Variants in TRIO observed in about 807,000 individuals in gnomAD.
The protein encoded by TRIO is trio Rho guanine nucleotide exchange factor, also known as triple functional domain protein.
Under a neutral mutation model 351.9 loss-of-function variants are expected in TRIO, and 58 were observed. The observed-to-expected ratio is 0.16, with a 90% CI of 0.13 to 0.21. The LOEUF is 0.21. Ranked by LOEUF, TRIO falls within the 10% of genes least tolerant of loss-of-function variation. The pLI, the probability that TRIO is intolerant of heterozygous loss-of-function variation, is 1.00. For missense variants in TRIO, 3,201 were observed against 4,027.8 expected (o/e 0.79, Z 5.56); for synonymous variants, 1,758 against 1,595.7 (o/e 1.10, Z -2.42).
chr5:14,292,286 G>C (rs1261180627), intron 5 of TRIO, among the ~76,000 whole-genome samples: 1 of 152,214 alleles, frequency 6.6e-6, no homozygotes, highest in African/African-American at 2.4e-5. Flanking sequence ...TTGTCTAAGA[G>C]ACTGGAATAC....
intron 49 of TRIO, among the ~76,000 whole-genome samples, chr5:14,495,893 A>C (rs988141517): frequency 6.6e-6 from 1 of 151,970 alleles, no homozygotes; most frequent in African/African-American, 2.4e-5. Flanking sequence ...GCTTGAACCC[A>C]CAAGGTGGAG....
rs977977064 is a variant in TRIO, at chr5:14,504,274, A to T, written c.8412-119A>T. ...AGCCCCTCCGTGGAGTGGCCGGGAG[A>T]GCAGGGCCTCTGGACAGGGCTGGGC... is the stretch of plus-strand genomic sequence containing the variant. On this transcript the variant is annotated intron_variant, in intron 54 of 56. Coordinates refer to ENST00000344204, the MANE Select transcript of TRIO (RefSeq NM_007118.4). The T allele has an allele frequency of 2.7e-6, 3 of 1,102,028 alleles. No homozygotes were observed. In the African/African-American group the frequency reaches 4.7e-5, roughly 17 times the overall value. The allele number at this position is 1,102,028 out of a possible 1,614,324, so 68.3% of individuals were successfully genotyped here. A position where few individuals can be genotyped will look rare whatever the true frequency, so the allele number is the denominator to read the frequency against.
intron 27 of TRIO, among the ~76,000 whole-genome samples, chr5:14,393,217 G>A (rs1230495956): frequency 2.0e-5 from 3 of 151,794 alleles, no homozygotes; most frequent in Non-Finnish European, 4.4e-5. Flanking sequence ...CACAGGGAGG[G>A]GAACATCACA....
At chr5:14,343,372 A>C (rs1469179245) in intron 11 of TRIO, among the ~76,000 whole-genome samples, 1 of 152,190 alleles carries the variant, frequency 6.6e-6, no homozygotes, top group South Asian at 2.1e-4. Context: ...CCCATCATCA[A>C]AGGGTTCCCT....
chr5:14,166,509 C>G (rs148060360), intron 1 of TRIO, among the ~76,000 whole-genome samples: 335 of 152,262 alleles, frequency 2.2e-3, no homozygotes, highest in African/African-American at 7.7e-3. Flanking sequence ...TGTTTTGGCT[C>G]AGTTGCCCTG....
At chr5:14,266,115 G>A (rs1327754349) in intron 1 of TRIO, among the ~76,000 whole-genome samples, 1 of 151,870 alleles carries the variant, frequency 6.6e-6, no homozygotes, top group Non-Finnish European at 1.5e-5. Flanking sequence ...CAGGTAAGCA[G>A]TGGCATGATC....
intron 8 of TRIO, among the ~76,000 whole-genome samples, chr5:14,309,017 G>T (rs75263883): frequency 6.6e-6 from 1 of 150,922 alleles, no homozygotes; most frequent in Non-Finnish European, 1.5e-5. Context: ...ATCCACCCAC[G>T]CAGTCACCCA....
At chr5:14,399,215 T>C in intron 30 of TRIO, 145 bp downstream of exon 30, 1 of 782,750 alleles carries the variant, frequency 1.3e-6, no homozygotes, top group Non-Finnish European at 2.1e-6. Flanking sequence ...AGGGTTTTCA[T>C]CTTCAGTGAA....
At chr5:14,271,802 C>T (rs1181337282) in intron 2 of TRIO, among the ~76,000 whole-genome samples, 2 of 152,214 alleles carry the variant, frequency 1.3e-5, no homozygotes, top group African/African-American at 2.4e-5. Context: ...ATATATAACA[C>T]TGCTAGCTGC....
At position 14,507,216 on chromosome 5, in the gene TRIO, G is replaced by C; in HGVS notation, c.8707G>C (p.Val2903Leu). Residue 2903 changes from valine to leucine, a missense_variant, in exon 56 of 57, where the codon GTC (valine) becomes CTC (leucine). Around this residue, in one of 19 missense-constraint regions of TRIO, gnomAD observed 233 missense variants for 292.6 expected, o/e 0.80. Transcript: ENST00000344204. The stretch of plus-strand genomic sequence containing the variant: ...GCACCTGGGGGAGGTTCTGGAAGCT[G>C]TCCGGTACCTGCACAACTGCAGGAT... ...RAHLGEVLEA[V>L]RYLHNCRIAH... 1.2e-6 allele frequency: 2 copies of C among 1,611,940 alleles called. No individual in the cohort carries two copies. The highest frequency in any genetic ancestry group is 8.5e-7 in the Non-Finnish European group (1 of 1,179,874).
rs1300605466 is a variant in TRIO at position 14,291,039 on chromosome 5, C to T, written c.864C>T (p.Ser288=). 1.2e-6 allele frequency: 2 copies of T among 1,614,080 alleles called. No homozygotes were observed. Among genetic ancestry groups the T allele is most frequent in the African/African-American group, 2.7e-5 (2 of 74,928 alleles). Residue 288 remains serine, a synonymous_variant, in exon 5 of 57, where the codon AGC becomes AGT. Coordinates refer to ENST00000344204, the MANE Select transcript of TRIO (RefSeq NM_007118.4). ...EGQKLLQRIQ[S]SESFPKKNSG... ...AGAAGCTGCTTCAGAGGATACAGAG[C>T]AGTGAAAGCTTTCCCAAAAAGAACT...
intron 48 of TRIO, chr5:14,489,084 C>G (rs561451286): frequency 1.2e-5 from 9 of 765,060 alleles, no homozygotes; most frequent in Admixed American, 8.5e-5. Context: ...GTGAATAGAA[C>G]TGTTCTAATG....
chr5:14,459,187 C>T (rs939451396), intron 34 of TRIO, among the ~76,000 whole-genome samples: 3 of 152,266 alleles, frequency 2.0e-5, no homozygotes, highest in South Asian at 4.1e-4. Context: ...AGCAGTGAGA[C>T]GGGCGTGTGC....
chr5:14,280,579 A>G (rs1735906435), intron 3 of TRIO, 143 bp downstream of exon 3: 6 of 728,134 alleles, frequency 8.2e-6, no homozygotes, highest in Non-Finnish European at 1.4e-5. Flanking sequence ...TCACCTTATT[A>G]CCATTTTGTG....
chr5:14,373,246 A>G (rs1002308396), intron 18 of TRIO, among the ~76,000 whole-genome samples: 5 of 152,230 alleles, frequency 3.3e-5, no homozygotes, highest in East Asian at 3.9e-4. Context: ...GAGCCAGGCC[A>G]TATCAGACAA....
chr5:14,302,848 T>G (rs1738019916), intron 7 of TRIO, among the ~76,000 whole-genome samples: 1 of 152,232 alleles, frequency 6.6e-6, no homozygotes, highest in Non-Finnish European at 1.5e-5. Flanking sequence ...GGAAATGTGT[T>G]GATGTCTGTT....
chr5:14,312,799 T>C (rs1477952196), intron 8 of TRIO, among the ~76,000 whole-genome samples: 3 of 152,242 alleles, frequency 2.0e-5, no homozygotes, highest in Non-Finnish European at 4.4e-5. Context: ...TTGTCTGCTC[T>C]ATATAGTCTC....
chr5:14,367,739 G>A (rs1301357356), intron 16 of TRIO, among the ~76,000 whole-genome samples: 1 of 152,214 alleles, frequency 6.6e-6, no homozygotes, highest in Non-Finnish European at 1.5e-5. Flanking sequence ...TTGTCAGCTA[G>A]AGAAGAAAGC....
At chr5:14,237,327 T>C (rs1384326638) in intron 1 of TRIO, among the ~76,000 whole-genome samples, 2 of 152,178 alleles carry the variant, frequency 1.3e-5, no homozygotes, top group Non-Finnish European at 2.9e-5. Context: ...TTTTGGACTT[T>C]TGGATTTGGG....
Sources: gnomAD v4.1 joint callset for allele counts (sites outside exome capture counted in the v4.1 genomes callset) on GRCh38, gnomAD v4.1.1 for gene constraint, gnomAD v4.1.1 regional missense constraint, MANE v1.5 for transcripts, NCBI Gene and HGNC (gene_info 2026-07-23, HGNC 2026-07-21) for gene names.